The following MED26 variants were observed in gnomAD, a reference collection of about 807,000 sequenced individuals.
MED26 encodes mediator complex subunit 26.
In MED26, 7 loss-of-function variants were observed where a neutral mutation model predicts 43.7. That is an observed-to-expected ratio of 0.16 (90% CI 0.09 to 0.30). The LOEUF (loss-of-function observed/expected upper bound fraction) is 0.30, where lower values mean the gene tolerates loss of function less well. Among genes scored for constraint, MED26 ranks in the 10% least tolerant of loss-of-function variants. The pLI is 1.00. For missense variants in MED26, 784 were observed against 840.6 expected (o/e 0.93, Z 0.83); for synonymous variants, 375 against 371.1 (o/e 1.01, Z -0.12).
At chr19:16,599,222 C>CT (rs2086137001) in intron 1 of MED26, among the ~76,000 whole-genome samples, 1 of 152,138 alleles carries the variant, frequency 6.6e-6, no homozygotes, top group Admixed American at 6.5e-5. Flanking sequence ...GTGGGTTATA[C>CT]TTTTCCCTAG....
chr19:16,578,463 T>C (rs527614279), intron 1 of MED26, 54 bp from the exon 2 acceptor site: 2 of 1,541,060 alleles, frequency 1.3e-6, no homozygotes, highest in South Asian at 2.2e-5. Context: ...ACTGGGAGGC[T>C]GGAACACCCT....
At chr19:16,608,261 A>G (rs1322949686) in intron 1 of MED26, among the ~76,000 whole-genome samples, 1 of 152,262 alleles carries the variant, frequency 6.6e-6, no homozygotes, top group African/African-American at 2.4e-5. Context: ...TAACAATTAC[A>G]TTATATAAGC....
intron 1 of MED26, among the ~76,000 whole-genome samples, chr19:16,615,703 A>G (rs2363858): frequency 0.09 from 13,585 of 151,468 alleles, 701 homozygotes; most frequent in African/African-American, 0.12. Context: ...CTGAGATTGC[A>G]CCATTGCACT....
At chr19:16,601,158 A>C (rs1200926448) in intron 1 of MED26, among the ~76,000 whole-genome samples, 3 of 138,098 alleles carry the variant, frequency 2.2e-5, no homozygotes, top group East Asian at 4.0e-4. Context: ...ACAAACACTG[A>C]CTTTTTTTTT....
intron 1 of MED26, among the ~76,000 whole-genome samples, chr19:16,604,795 C>A (rs75620748): frequency 0.012 from 1,816 of 152,328 alleles, 34 homozygotes; most frequent in African/African-American, 0.041. Flanking sequence ...TGGCTCACAG[C>A]GATTGCGCCA....
At chr19:16,611,964 A>C (rs762565944) in intron 1 of MED26, 1 of 151,836 alleles carries the variant, frequency 6.6e-6, no homozygotes, top group African/African-American at 2.4e-5. Flanking sequence ...TCAGCCTGTA[A>C]ATAAACTTCC....
At position 16,587,864 on chromosome 19, in the gene MED26, G is replaced by A. The variant is rs1341173907; in HGVS notation, c.73-9455C>T. On this transcript the variant is annotated intron_variant, in intron 1 of 2. Transcript: ENST00000263390. This position sits in a 1 kb window ranked among gnomAD's most constrained non-coding sequence, Gnocchi z 4.9. ...GAGCAACTCAGAAAGAGGAAGCCCA[G>A]GGCTTGGGGCAGAAGTAGGAGCTCC... 6.6e-6 allele frequency: 1 copy of A among 152,268 alleles called. No homozygotes were observed. Among genetic ancestry groups the A allele is most frequent in the African/African-American group, 2.4e-5 (1 of 41,460 alleles). The allele number at this position is 152,268 out of a possible 1,614,324, so 9.4% of individuals were successfully genotyped here.
At chr19:16,581,737 C>T (rs956322566) in intron 1 of MED26, among the ~76,000 whole-genome samples, 1 of 152,214 alleles carries the variant, frequency 6.6e-6, no homozygotes, top group Non-Finnish European at 1.5e-5. Flanking sequence ...GAGCTGGGGA[C>T]ACCAGGCGAA....
chr19:16,600,150 A>C (rs2086141667), intron 1 of MED26, among the ~76,000 whole-genome samples: 1 of 151,912 alleles, frequency 6.6e-6, no homozygotes, highest in Non-Finnish European at 1.5e-5. Flanking sequence ...CACCCTCCCT[A>C]GGTCCCCCCT....
rs2086076693 is a variant in MED26 at position 16,587,521 on chromosome 19, C to G, written c.73-9112G>C. 6.6e-6 allele frequency: 1 copy of G among 152,286 alleles called. No individual in the cohort carries two copies. 9.4% of individuals were successfully genotyped at this position (152,286 alleles called of 1,614,324 possible). ...AGGGGACCTCATGGGAGCCTCAAACCCCAGGGGCAAAGCCTCAAGTTCACA... is the reference window on the plus strand; with the variant it reads ...AGGGGACCTCATGGGAGCCTCAAACGCCAGGGGCAAAGCCTCAAGTTCACA... On this transcript the variant is annotated intron_variant, in intron 1 of 2. Coordinates refer to ENST00000263390, the MANE Select transcript of MED26 (RefSeq NM_004831.5). The surrounding 1 kb of genome is among the most constrained non-coding windows in gnomAD (Gnocchi z 4.9).
intron 1 of MED26, among the ~76,000 whole-genome samples, chr19:16,602,804 C>T (rs906056723): frequency 2.6e-5 from 4 of 152,068 alleles, no homozygotes; most frequent in Admixed American, 6.6e-5. Flanking sequence ...GGTGGAAAGT[C>T]GAACAGTACG....
intron 1 of MED26, among the ~76,000 whole-genome samples, chr19:16,622,649 C>T (rs546352666): frequency 6.6e-5 from 10 of 152,216 alleles, no homozygotes; most frequent in Admixed American, 2.0e-4. Flanking sequence ...CTCTCCTTTA[C>T]TCACTGTGCC....
At chr19:16,626,590 A>G (rs1172372219) in intron 1 of MED26, among the ~76,000 whole-genome samples, 1 of 152,220 alleles carries the variant, frequency 6.6e-6, no homozygotes, top group Non-Finnish European at 1.5e-5. Flanking sequence ...TTAACCAAAA[A>G]TTGTATAAGC....
intron 1 of MED26, among the ~76,000 whole-genome samples, chr19:16,594,024 T>C (rs1220340537): frequency 6.6e-6 from 1 of 152,136 alleles, no homozygotes; most frequent in South Asian, 2.1e-4. Context: ...AATTGTTATA[T>C]AAGGAGGGAG....
At chr19:16,615,906 T>C (rs968301803) in intron 1 of MED26, among the ~76,000 whole-genome samples, 3 of 152,188 alleles carry the variant, frequency 2.0e-5, no homozygotes, top group Admixed American at 6.5e-5. Flanking sequence ...TCCTCTTCCA[T>C]TCAAGTCTCC....
intron 1 of MED26, among the ~76,000 whole-genome samples, chr19:16,618,380 ACTGT>A (rs1204699659): frequency 6.6e-6 from 1 of 152,028 alleles, no homozygotes; most frequent in African/African-American, 2.4e-5. Context: ...ACCATTCAAG[ACTGT>A]CTCCAGCCCA....
At chr19:16,578,579 C>A in intron 1 of MED26, 170 bp from the exon 2 acceptor site, 1 of 619,656 alleles carries the variant, frequency 1.6e-6, no homozygotes, top group Non-Finnish European at 2.8e-6. Flanking sequence ...GCCAACCTGG[C>A]ACCCAGTGCT....
chr19:16,606,729 G>A (rs1347592945), intron 1 of MED26, among the ~76,000 whole-genome samples: 3 of 152,194 alleles, frequency 2.0e-5, no homozygotes, highest in Non-Finnish European at 2.9e-5. Context: ...CATCTGGGAG[G>A]GGAGTAGGCT....
intron 1 of MED26, among the ~76,000 whole-genome samples, chr19:16,579,096 G>A (rs1053536175): frequency 1.3e-4 from 20 of 151,932 alleles, no homozygotes; most frequent in African/African-American, 4.1e-4. Context: ...GCAAGACTCC[G>A]TGTAAAAAAT....
Sources: allele counts gnomAD v4.1 joint callset (sites outside exome capture counted in the v4.1 genomes callset), GRCh38; gene constraint gnomAD v4.1.1; non-coding constraint Gnocchi (gnomAD v3.1); transcripts MANE v1.5; gene names NCBI Gene and HGNC (gene_info 2026-07-23, HGNC 2026-07-21).